PIEZO2: variants seen among roughly 807,000 people sequenced by gnomAD.
The protein encoded by PIEZO2 is piezo type mechanosensitive ion channel component 2, also known as piezo-type mechanosensitive ion channel component 2.
PIEZO2 carries 172 observed loss-of-function variants against 337.3 expected under a neutral mutation model. The ratio of observed to expected loss-of-function variants is 0.51; its 90% CI spans 0.45 to 0.58. PIEZO2 has a LOEUF of 0.58. Among genes scored for constraint, PIEZO2 ranks in the 20% least tolerant of loss-of-function variants. The pLI is 0.00. For synonymous variants in PIEZO2, 1,251 were observed against 1,228.5 expected, an observed-to-expected ratio of 1.02 and a Z score of -0.38; for missense variants, 3,028 against 3,391.3, an observed-to-expected ratio of 0.89 and a Z score of 2.66.
In PIEZO2 at chr18:10,872,605, G is replaced by A. The variant is rs957367978; in HGVS notation, c.330-1190C>T. On this transcript the variant is annotated intron_variant, in intron 4 of 55. Transcript: ENST00000674853. This position sits in a 1 kb window ranked among gnomAD's most constrained non-coding sequence, Gnocchi z 4.3. ...CACGGGCCAGCCATGTCCCTCATCC[G>A]GTGCTAGATGCCTGCCCTGTGTGCC... 1.3e-5 allele frequency among the ~76,000 whole-genome samples: 2 copies of A among 152,244 alleles called. No homozygotes were observed. Among genetic ancestry groups the A allele is most frequent in the East Asian group, 1.9e-4 (1 of 5,182 alleles).
Position 10,837,899 on chromosome 18 carries a change from C to G in PIEZO2, c.917+17454G>C, listed in dbSNP as rs995387473. The stretch of plus-strand genomic sequence containing the variant: ...CCCGAGTAGCTGGGATTACTGGTGC[C>G]TGCCACCATGCCCGGCTAATTTTTG... On this transcript the variant is annotated intron_variant, in intron 7 of 55. Transcript: ENST00000674853. The surrounding 1 kb of genome is among the most constrained non-coding windows in gnomAD (Gnocchi z 4.4). Among the ~76,000 whole-genome samples the G allele has an allele frequency of 5.3e-5, 8 of 152,044 alleles. No individual in the cohort carries two copies. The highest frequency in any genetic ancestry group is 1.0e-4 in the Non-Finnish European group (7 of 68,008).
chr18:10,817,987 T>C (rs2040413805), intron 7 of PIEZO2, among the ~76,000 whole-genome samples: 1 of 152,170 alleles, frequency 6.6e-6, no homozygotes, highest in African/African-American at 2.4e-5. Context: ...AATTAAACGT[T>C]TTCCTTCATA....
intron 1 of PIEZO2, among the ~76,000 whole-genome samples, chr18:11,137,013 C>A (rs2040508339): frequency 6.6e-6 from 1 of 152,158 alleles, no homozygotes; most frequent in Non-Finnish European, 1.5e-5. Context: ...GGTGATGAAG[C>A]TCCTTTATTT....
At position 10,861,144 on chromosome 18, in the gene PIEZO2, C is replaced by T. The variant is rs1474431613; in HGVS notation, c.493-3933G>A. Among the ~76,000 whole-genome samples the T allele has an allele frequency of 1.3e-5, 2 of 152,182 alleles. No individual in the cohort carries two copies. The highest frequency in any genetic ancestry group is 1.9e-4 in the East Asian group (1 of 5,190). ...CTCTGAAAGAGCATGGACTCACTCT[C>T]GCATGTTTACTAACAGGCAGTCTTG... On this transcript the variant is annotated intron_variant, in intron 5 of 55. Coordinates refer to ENST00000674853, the MANE Select transcript of PIEZO2 (RefSeq NM_001378183.1). The surrounding 1 kb of genome is among the most constrained non-coding windows in gnomAD (Gnocchi z 4.3).
intron 47 of PIEZO2, among the ~76,000 whole-genome samples, chr18:10,693,992 T>C (rs75606254): frequency 0.04 from 6,048 of 152,268 alleles, 247 homozygotes; most frequent in East Asian, 0.2. Context: ...ATTATTATTA[T>C]AGCCTGGGCT....
At chr18:11,061,467 T>A (rs188088502) in intron 2 of PIEZO2, among the ~76,000 whole-genome samples, 1 of 151,604 alleles carries the variant, frequency 6.6e-6, no homozygotes, top group African/African-American at 2.4e-5. Context: ...AGTCAAATTG[T>A]TCCTGTTTGC....
chr18:10,989,587 C>A (rs2035013754), intron 2 of PIEZO2, among the ~76,000 whole-genome samples: 1 of 151,744 alleles, frequency 6.6e-6, no homozygotes, highest in African/African-American at 2.4e-5. Context: ...ATAATTAGGG[C>A]ATCTAAAATG....
chr18:10,962,900 T>G lies in PIEZO2; in HGVS notation c.286+16635A>C, dbSNP rs1415591735. Among the ~76,000 whole-genome samples, 3 of 152,164 alleles carry G rather than the reference T, an allele frequency of 2.0e-5. No individual in the cohort carries two copies. Among genetic ancestry groups the G allele is most frequent in the Middle Eastern group, 3.2e-3 (1 of 316 alleles). ...CTGAAAGCTATATTCTGTCGTGAAA[T>G]GCATACACCTCTATCATCTCATAAA... On this transcript the variant is annotated intron_variant, in intron 3 of 55. Transcript: ENST00000674853. The surrounding 1 kb of genome is among the most constrained non-coding windows in gnomAD (Gnocchi z 4.1).
At position 10,754,906 on chromosome 18, in the gene PIEZO2, T is replaced by G. The variant is rs2037776225; in HGVS notation, c.3924-2027A>C. ...CTATGTCTCATCTCGTTGCTGCAGT[T>G]TCCTCATCTCTACAACAGGGATAAC... is the stretch of plus-strand genomic sequence containing the variant. On this transcript the variant is annotated intron_variant, in intron 27 of 55. Transcript: ENST00000674853. Among the ~76,000 whole-genome samples, 3 of 152,142 alleles carry G rather than the reference T, an allele frequency of 2.0e-5. No individual in the cohort carries two copies. In the South Asian group the frequency reaches 6.2e-4, roughly 32 times the overall value.
chr18:10,796,146 T>C lies in PIEZO2; in HGVS notation c.1528-1144A>G, dbSNP rs558046442. Among the ~76,000 whole-genome samples the C allele has an allele frequency of 2.5e-3, 376 of 151,750 alleles. 4 individuals carry two copies. The highest frequency in any genetic ancestry group is 8.9e-3 in the African/African-American group (368 of 41,322). ...TTGGGAGGCCGAGGCGGGCGGATCATGAGGCCAGGAGATCGAGACCATCCT... is the reference window on the plus strand; with the variant it reads ...TTGGGAGGCCGAGGCGGGCGGATCACGAGGCCAGGAGATCGAGACCATCCT... On this transcript the variant is annotated intron_variant, in intron 12 of 55. Coordinates refer to ENST00000674853, the MANE Select transcript of PIEZO2 (RefSeq NM_001378183.1).
Position 11,091,492 on chromosome 18 carries a change from G to T in PIEZO2, c.65-25270C>A, listed in dbSNP as rs183483944. Among the ~76,000 whole-genome samples the T allele has an allele frequency of 5.7e-4, 87 of 152,202 alleles. 1 individual carries two copies. Among genetic ancestry groups the T allele is most frequent in the African/African-American group, 2.0e-3 (83 of 41,518 alleles). The stretch of plus-strand genomic sequence containing the variant: ...AAGCTGTAAGAATGGTAGCTTTTGA[G>T]CACTGGCATTAATAAAAGATTTTTA... On this transcript the variant is annotated intron_variant, in intron 1 of 55. Coordinates refer to ENST00000674853, the MANE Select transcript of PIEZO2 (RefSeq NM_001378183.1).
At chr18:10,742,094 G>T (rs892790084) in intron 32 of PIEZO2, among the ~76,000 whole-genome samples, 4 of 152,186 alleles carry the variant, frequency 2.6e-5, no homozygotes, top group Non-Finnish European at 5.9e-5. Context: ...GGCGGAGCTT[G>T]CAGTGAGCCG....
intron 44 of PIEZO2, 139 bp from the exon 45 acceptor site, chr18:10,698,019 G>A: frequency 1.2e-5 from 1 of 81,210 alleles, no homozygotes. Context: ...GCACGGCCTT[G>A]GGATTTGTCC....
chr18:10,696,595 C>T (rs901543584), intron 45 of PIEZO2, 56 bp from the exon 46 acceptor site: 4 of 1,584,134 alleles, frequency 2.5e-6, no homozygotes, highest in African/African-American at 2.7e-5. Flanking sequence ...GGCAGGATGG[C>T]AGAAATGACC....
chr18:10,890,092 G>A (rs1363888953), intron 4 of PIEZO2, among the ~76,000 whole-genome samples: 1 of 152,220 alleles, frequency 6.6e-6, no homozygotes, highest in Non-Finnish European at 1.5e-5. Flanking sequence ...CTCCTACTGT[G>A]ATGCTTTAAT....
chr18:10,696,019 A>G, intron 47 of PIEZO2, 55 bp downstream of exon 47: 1 of 1,516,898 alleles, frequency 6.6e-7, no homozygotes, highest in Non-Finnish European at 9.2e-7. Flanking sequence ...GTATCACCTC[A>G]GGAAACACAG....
chr18:10,969,751 G>A lies in PIEZO2; in HGVS notation c.286+9784C>T, dbSNP rs565707386. ...GTATGCACCTGTAGGAGAGGAGTGA[G>A]GGGACAGAGCTCCTGGCCAAGAGAG... On this transcript the variant is annotated intron_variant, in intron 3 of 55. Coordinates refer to ENST00000674853, the MANE Select transcript of PIEZO2 (RefSeq NM_001378183.1). This position sits in a 1 kb window ranked among gnomAD's most constrained non-coding sequence, Gnocchi z 4.5. 6.6e-6 allele frequency among the ~76,000 whole-genome samples: 1 copy of A among 151,890 alleles called. No homozygotes were observed. Among genetic ancestry groups the A allele is most frequent in the African/African-American group, 2.4e-5 (1 of 41,348 alleles).
At chr18:11,147,315 T>C (rs1412105612) in intron 1 of PIEZO2, among the ~76,000 whole-genome samples, 2 of 152,118 alleles carry the variant, frequency 1.3e-5, no homozygotes, top group Non-Finnish European at 2.9e-5. Context: ...ACACCTTCCC[T>C]CCACTCGGAG....
intron 39 of PIEZO2, chr18:10,709,077 A>G (rs2035711043): frequency 6.6e-6 from 1 of 152,252 alleles, no homozygotes; most frequent in Non-Finnish European, 1.5e-5. Context: ...CATCAGAAAT[A>G]AAATAAAAGG....
Sources: allele counts gnomAD v4.1 joint callset (sites outside exome capture counted in the v4.1 genomes callset), GRCh38; gene constraint gnomAD v4.1.1; non-coding constraint Gnocchi (gnomAD v3.1); transcripts MANE v1.5; gene names NCBI Gene and HGNC (gene_info 2026-07-23, HGNC 2026-07-21).